INSL6: variants seen among roughly 807,000 people sequenced by gnomAD.
INSL6 encodes insulin-like peptide INSL6.
In INSL6, 16 loss-of-function variants were observed where a neutral mutation model predicts 9.4. The ratio of observed to expected loss-of-function variants is 1.70; its 90% CI spans 1.15 to 2.59. The LOEUF (loss-of-function observed/expected upper bound fraction) is 2.59, where lower values mean the gene tolerates loss of function less well. Among genes scored for constraint, INSL6 ranks in the 30% most tolerant of loss-of-function variants. The pLI is 0.00. For synonymous variants in INSL6, 154 were observed against 96.9 expected, an observed-to-expected ratio of 1.59 and a Z score of -3.46; for missense variants, 391 against 257.3, an observed-to-expected ratio of 1.52 and a Z score of -3.56.
chr9:5,068,648 G>A, the INSL6 span, among the ~76,000 whole-genome samples: 2 of 152,204 alleles, frequency 1.3e-5, no homozygotes, highest in African/African-American at 2.4e-5. Context: ...GTTGTATGTT[G>A]GCAGTGGCAG....
chr9:5,083,655 T>C, the INSL6 span, among the ~76,000 whole-genome samples: 1 of 152,148 alleles, frequency 6.6e-6, no homozygotes, highest in Non-Finnish European at 1.5e-5. Flanking sequence ...TTTTGTCATA[T>C]ATTGTCAAAA....
the INSL6 span, chr9:5,021,824 G>T: frequency 1.7e-6 from 1 of 594,180 alleles, no homozygotes; most frequent in South Asian, 2.1e-5. Context: ...GTAGAGATGA[G>T]GTTTCACCAT....
chr9:5,141,411 G>A (rs531499428), intron 2 of INSL6, among the ~76,000 whole-genome samples: 5 of 152,012 alleles, frequency 3.3e-5, no homozygotes, highest in Non-Finnish European at 7.4e-5. Context: ...GGCATGAGAT[G>A]GTATCTCATC....
the INSL6 span, among the ~76,000 whole-genome samples, chr9:5,062,206 A>G: frequency 6.6e-6 from 1 of 151,942 alleles, no homozygotes; most frequent in Non-Finnish European, 1.5e-5. Context: ...TAGGGCTGAC[A>G]TTTTGCATAT....
intron 2 of INSL6, among the ~76,000 whole-genome samples, chr9:5,140,399 C>G (rs748801683): frequency 2.6e-5 from 4 of 152,134 alleles, no homozygotes; most frequent in Non-Finnish European, 5.9e-5. Context: ...AAACTTTTGA[C>G]TCATTTTTAT....
At chr9:5,180,351 G>C (rs1825423545) in intron 1 of INSL6, among the ~76,000 whole-genome samples, 1 of 152,100 alleles carries the variant, frequency 6.6e-6, no homozygotes, top group Admixed American at 6.5e-5. Flanking sequence ...CAATTTTTAG[G>C]GAACAAGGGA....
In INSL6 at chr9:5,146,838, T is replaced by C. The variant is rs555122302; in HGVS notation, c.377-13246A>G. Reference sequence around the variant, plus strand: ...GTACACAGCCATAGGGGCTGCCTCATTGGAGCTTTCCACCAGTCAGGCATG... The same window carrying C: ...GTACACAGCCATAGGGGCTGCCTCACTGGAGCTTTCCACCAGTCAGGCATG... On this transcript the variant is annotated intron_variant, in intron 2 of 3. Transcript: ENST00000649639. Among the ~76,000 whole-genome samples, 7 of 152,224 alleles carry C rather than the reference T, an allele frequency of 4.6e-5. No individual in the cohort carries two copies. The South Asian group carries it at 1.0e-3, about 23-fold the overall frequency.
At chr9:5,040,880 G>A in the INSL6 span, 1 of 278,598 alleles carries the variant, frequency 3.6e-6, no homozygotes, top group Non-Finnish European at 7.0e-6. Flanking sequence ...GCGGATCCGC[G>A]CCGCGCTGCT....
chr9:5,047,149 A>G, the INSL6 span, among the ~76,000 whole-genome samples: 1 of 152,198 alleles, frequency 6.6e-6, no homozygotes, highest in Admixed American at 6.5e-5. Context: ...TTGTGCCCAG[A>G]AAATATGATA....
At chr9:5,004,607 G>C in the INSL6 span, among the ~76,000 whole-genome samples, 35 of 152,264 alleles carry the variant, frequency 2.3e-4, no homozygotes, top group East Asian at 6.6e-3. Flanking sequence ...TGGGAGTGTA[G>C]ATATTGCTTT....
chr9:5,143,867 C>T (rs1004768284), intron 2 of INSL6, among the ~76,000 whole-genome samples: 7 of 151,446 alleles, frequency 4.6e-5, no homozygotes, highest in Non-Finnish European at 8.8e-5. Flanking sequence ...ACCATGTTGG[C>T]CATGCTGGTC....
chr9:5,062,190 T>G, the INSL6 span, among the ~76,000 whole-genome samples: 2 of 152,212 alleles, frequency 1.3e-5, no homozygotes, highest in Non-Finnish European at 2.9e-5. Flanking sequence ...AAAACCTGCA[T>G]ATGTGTAGGG....
the INSL6 span, chr9:5,041,579 G>A: frequency 2.0e-6 from 1 of 505,722 alleles, no homozygotes. Context: ...TGCACTACGT[G>A]CGGCGCCTGG....
chr9:5,080,430 A>T, the INSL6 span: 650 of 1,549,240 alleles, frequency 4.2e-4, 5 homozygotes, highest in South Asian at 4.5e-3. Flanking sequence ...GAACTTTCAT[A>T]TTTCTTTCAC....
chr9:5,179,375 T>C lies in INSL6; in HGVS notation c.289+5939A>G, dbSNP rs1026350286. ...AAAACAACAGATGCTGGCAAGGTTG[T>C]GGAGAAAAAGGAACACTTTTACACT... is the stretch of plus-strand genomic sequence containing the variant. On this transcript the variant is annotated intron_variant, in intron 1 of 1. Transcript: ENST00000381641. 2.6e-5 allele frequency among the ~76,000 whole-genome samples: 4 copies of C among 152,278 alleles called. No homozygotes were observed. In the South Asian group the frequency reaches 8.3e-4, roughly 32 times the overall value.
chr9:5,045,233 A>T, the INSL6 span, among the ~76,000 whole-genome samples: 6 of 152,192 alleles, frequency 3.9e-5, no homozygotes, highest in African/African-American at 1.4e-4. Context: ...TGGTATCCCC[A>T]AGGTATCAGG....
At chr9:5,115,098 G>A in the INSL6 span, among the ~76,000 whole-genome samples, 2 of 152,128 alleles carry the variant, frequency 1.3e-5, no homozygotes, top group Non-Finnish European at 2.9e-5. Context: ...CAGCTGCATA[G>A]CAAAAGAAAC....
At chr9:5,136,816 A>T (rs941850443) in intron 2 of INSL6, among the ~76,000 whole-genome samples, 8 of 152,230 alleles carry the variant, frequency 5.3e-5, no homozygotes, top group Non-Finnish European at 1.0e-4. Flanking sequence ...AATTAGGAAA[A>T]GAGGAAGTCA....
At chr9:5,111,009 GA>G in the INSL6 span, 1 of 738,446 alleles carries the variant, frequency 1.4e-6, no homozygotes, top group Non-Finnish European at 2.3e-6. Flanking sequence ...TTGCCAACGG[GA>G]AGGGCCGGCC....
Sources: allele counts gnomAD v4.1 joint callset (sites outside exome capture counted in the v4.1 genomes callset), GRCh38; gene constraint gnomAD v4.1.1; transcripts MANE v1.5; gene names NCBI Gene and HGNC (gene_info 2026-07-23, HGNC 2026-07-21).